ARIH1: variants seen among roughly 807,000 people sequenced by gnomAD.
ARIH1 encodes E3 ubiquitin-protein ligase ARIH1.
ARIH1 carries 8 observed loss-of-function variants against 85.0 expected under a neutral mutation model. The ratio of observed to expected loss-of-function variants is 0.09; its 90% CI spans 0.06 to 0.17. The LOEUF (loss-of-function observed/expected upper bound fraction) is 0.17. ARIH1 is among the 10% of genes least tolerant of loss of function. The pLI, the probability that ARIH1 is intolerant of heterozygous loss-of-function variation, is 1.00. For synonymous variants in ARIH1, 238 were observed against 253.6 expected (o/e 0.94, Z 0.59); for missense variants, 311 against 718.1 (o/e 0.43, Z 6.48).
chr15:72,479,300 G>T (rs1037677287), intron 1 of ARIH1, among the ~76,000 whole-genome samples: 12 of 152,200 alleles, frequency 7.9e-5, no homozygotes, highest in African/African-American at 2.7e-4. Context: ...TATTTAGAGT[G>T]TGTGCCGAGA....
At chr15:72,511,961 G>A (rs1426913937) in intron 1 of ARIH1, among the ~76,000 whole-genome samples, 1 of 152,050 alleles carries the variant, frequency 6.6e-6, no homozygotes, top group Non-Finnish European at 1.5e-5. Context: ...TTTTAGTGTG[G>A]TAATTAAATT....
At chr15:72,565,357 C>G (rs575965410) in intron 7 of ARIH1, among the ~76,000 whole-genome samples, 8 of 152,260 alleles carry the variant, frequency 5.3e-5, no homozygotes, top group Admixed American at 5.2e-4. Context: ...TCCCTAAGTG[C>G]TGGGATTACA....
At chr15:72,518,462 A>G (rs571982751) in intron 2 of ARIH1, among the ~76,000 whole-genome samples, 2 of 152,298 alleles carry the variant, frequency 1.3e-5, no homozygotes, top group South Asian at 4.1e-4. Context: ...TTCTTGGAGT[A>G]CATGAGTAAG....
At chr15:72,565,989 T>C (rs953483471) in intron 7 of ARIH1, among the ~76,000 whole-genome samples, 4 of 152,238 alleles carry the variant, frequency 2.6e-5, no homozygotes, top group Non-Finnish European at 5.9e-5. Context: ...TACAAGTGTA[T>C]ATGTCATGAA....
Position 72,593,517 on chromosome 15 carries a change from G to T in ARIH1, c.*10225G>T, listed in dbSNP as rs2064350969. ...AATTAATTTTTGTGAACAGAATGAG[G>T]TTTGGTTTTTTTCCAACATGGATAT... On this transcript the variant is annotated 3_prime_UTR_variant, in exon 14 of 14. Coordinates refer to ENST00000379887, the MANE Select transcript of ARIH1 (RefSeq NM_005744.5). The T allele has an allele frequency of 6.6e-6, 1 of 152,146 alleles. No individual in the cohort carries two copies. Among genetic ancestry groups the T allele is most frequent in the African/African-American group, 2.4e-5 (1 of 41,420 alleles). The allele number at this position is 152,146 out of a possible 1,614,324, so 9.4% of individuals were successfully genotyped here.
rs571448013 is a variant in ARIH1, at chr15:72,563,167, C to T, written c.805-227C>T. Among the ~76,000 whole-genome samples, 16 of 152,342 alleles carry T rather than the reference C, an allele frequency of 1.1e-4. No individual in the cohort carries two copies. In the South Asian group the frequency reaches 3.3e-3, roughly 32 times the overall value. On this transcript the variant is annotated intron_variant, in intron 6 of 13. Coordinates refer to ENST00000379887, the MANE Select transcript of ARIH1 (RefSeq NM_005744.5). ...CTGGGCTCAAGTGATCCTCTTGCCT[C>T]AGCCTCCTGTGTAGTCGGGACTACA...
At chr15:72,554,508 CCCTGAGTA>C (rs2064166588) in intron 3 of ARIH1, among the ~76,000 whole-genome samples, 2 of 152,074 alleles carry the variant, frequency 1.3e-5, no homozygotes, top group Admixed American at 1.3e-4. Flanking sequence ...ACCTCAGCTC[CCCTGAGTA>C]GCTGGGATTA....
At chr15:72,529,506 G>C (rs937597496) in intron 2 of ARIH1, among the ~76,000 whole-genome samples, 1 of 152,156 alleles carries the variant, frequency 6.6e-6, no homozygotes, top group African/African-American at 2.4e-5. Context: ...CACCCTGCCA[G>C]GAATTTTTTA....
At chr15:72,496,731 A>G in intron 1 of ARIH1, 2 of 865,828 alleles carry the variant, frequency 2.3e-6, no homozygotes, top group Non-Finnish European at 2.8e-6. Context: ...ATTTTTATCA[A>G]GTGTGTCTCT....
chr15:72,597,038 C>G lies in ARIH1; in HGVS notation c.*13746C>G, dbSNP rs370556648. The G allele has an allele frequency of 6.6e-6, 1 of 151,900 alleles. No individual in the cohort carries two copies. The highest frequency in any genetic ancestry group is 1.5e-5 in the Non-Finnish European group (1 of 68,010). 9.4% of individuals were successfully genotyped at this position (151,900 alleles called of 1,614,324 possible). A position where few individuals can be genotyped will look rare whatever the true frequency, so the allele number is the denominator to read the frequency against. ...GTTCTGCTTCTATTGAGCCCTTCCT[C>G]TCCCTTACCATGAATCTTATTTTCT... On this transcript the variant is annotated 3_prime_UTR_variant, in exon 14 of 14. Coordinates refer to ENST00000379887, the MANE Select transcript of ARIH1 (RefSeq NM_005744.5).
intron 2 of ARIH1, among the ~76,000 whole-genome samples, chr15:72,521,211 CCCT>C (rs897607312): frequency 7.2e-5 from 9 of 125,870 alleles, no homozygotes; most frequent in East Asian, 2.5e-4. Flanking sequence ...CCCCCCCCCC[CCCT>C]TTTCTGGCTA....
Position 72,594,808 on chromosome 15 carries a change from C to T in ARIH1, c.*11516C>T, listed in dbSNP as rs1316437223. 1.1e-3 allele frequency: 46 copies of T among 40,976 alleles called. No homozygotes were observed. Among genetic ancestry groups the T allele is most frequent in the African/African-American group, 3.5e-3 (32 of 9,134 alleles). 2.5% of individuals were successfully genotyped at this position (40,976 alleles called of 1,614,324 possible). ...TTCTTTTTCTGATTTTATGCCTTTT[C>T]TTCTTTTTTTTTTTTTTTTTTTTTT... On this transcript the variant is annotated 3_prime_UTR_variant, in exon 14 of 14. Coordinates refer to ENST00000379887, the MANE Select transcript of ARIH1 (RefSeq NM_005744.5).
chr15:72,577,683 A>G (rs945439230), intron 11 of ARIH1, among the ~76,000 whole-genome samples: 1 of 150,352 alleles, frequency 6.7e-6, no homozygotes, highest in African/African-American at 2.4e-5. Flanking sequence ...AAAACAAAAA[A>G]CAAACAAACA....
In ARIH1 at chr15:72,585,552, C is replaced by T. The variant is rs2140442264; in HGVS notation, c.*2260C>T. On this transcript the variant is annotated 3_prime_UTR_variant, in exon 14 of 14. Coordinates refer to ENST00000379887, the MANE Select transcript of ARIH1 (RefSeq NM_005744.5). ...AAAAAAAAAAAATCTTACCAGTTAA[C>T]TTTGCAGTGTCTAGGTTTGAGTGTC... The T allele has an allele frequency of 6.6e-6, 1 of 152,096 alleles. No homozygotes were observed. The highest frequency in any genetic ancestry group is 1.9e-4 in the East Asian group (1 of 5,176). 9.4% of individuals were successfully genotyped at this position (152,096 alleles called of 1,614,324 possible).
In ARIH1 at chr15:72,513,463, T is replaced by A. The variant is rs879884082; in HGVS notation, c.376-4604T>A. On this transcript the variant is annotated intron_variant, in intron 1 of 13. Transcript: ENST00000379887. Reference sequence around the variant, plus strand: ...ATGTCTAGAAACATTTAACTCTTCCTACCAAGCATGATGTTACAGTTTTTT... The same window carrying A: ...ATGTCTAGAAACATTTAACTCTTCCAACCAAGCATGATGTTACAGTTTTTT... 2.8e-4 allele frequency among the ~76,000 whole-genome samples: 43 copies of A among 152,182 alleles called. 1 individual carries two copies. Among genetic ancestry groups the A allele is most frequent in the Non-Finnish European group, 6.0e-4 (41 of 68,032 alleles).
rs571562969 is a variant in ARIH1 at position 72,554,540 on chromosome 15, C to T, written c.589-731C>T. ...TAGCTGGGATTACAGGCATGTGCTA[C>T]CACACCTGGCTAATTTCTTAATTTT... is the stretch of plus-strand genomic sequence containing the variant. On this transcript the variant is annotated intron_variant, in intron 3 of 13. Transcript: ENST00000379887. Among the ~76,000 whole-genome samples the T allele has an allele frequency of 2.0e-5, 3 of 152,172 alleles. No individual in the cohort carries two copies. In the East Asian group the frequency reaches 5.8e-4, roughly 29 times the overall value.
At chr15:72,485,143 A>G (rs1172345452) in intron 1 of ARIH1, among the ~76,000 whole-genome samples, 1 of 152,236 alleles carries the variant, frequency 6.6e-6, no homozygotes, top group South Asian at 2.1e-4. Flanking sequence ...GAAGTTGTAT[A>G]GCATTGAATC....
intron 9 of ARIH1, among the ~76,000 whole-genome samples, chr15:72,569,577 A>G (rs1410017309): frequency 6.6e-6 from 1 of 152,130 alleles, no homozygotes; most frequent in African/African-American, 2.4e-5. Context: ...CCCTTAGTTT[A>G]TTCATCTGAC....
intron 1 of ARIH1, among the ~76,000 whole-genome samples, chr15:72,479,807 T>G (rs2063808136): frequency 6.6e-6 from 1 of 152,180 alleles, no homozygotes; most frequent in Non-Finnish European, 1.5e-5. Context: ...ATTAAGAGAT[T>G]TAATTAAAGA....
Sources: allele counts gnomAD v4.1 joint callset (sites outside exome capture counted in the v4.1 genomes callset), GRCh38; gene constraint gnomAD v4.1.1; transcripts MANE v1.5; gene names NCBI Gene and HGNC (gene_info 2026-07-23, HGNC 2026-07-21).